COL4A3: variants seen among roughly 807,000 people sequenced by gnomAD.
The protein encoded by COL4A3 is collagen alpha-3(IV) chain.
COL4A3 carries 135 observed loss-of-function variants against 217.4 expected under a neutral mutation model. The ratio of observed to expected loss-of-function variants is 0.62; its 90% CI spans 0.54 to 0.72. The LOEUF (loss-of-function observed/expected upper bound fraction) is 0.72, where lower values mean the gene tolerates loss of function less well. Among genes scored for constraint, COL4A3 ranks in the 30% least tolerant of loss-of-function variants. The pLI, the probability that COL4A3 is intolerant of heterozygous loss-of-function variation, is 0.00. For missense variants in COL4A3, 1,868 were observed against 2,119.9 expected (o/e 0.88, Z 2.33); for synonymous variants, 690 against 736.3 (o/e 0.94, Z 1.02).
chr2:227,285,142 T>C (rs2072233041), intron 34 of COL4A3, among the ~76,000 whole-genome samples: 1 of 151,886 alleles, frequency 6.6e-6, no homozygotes, highest in African/African-American at 2.4e-5. Flanking sequence ...AAAAGAAAAA[T>C]GTGTTTGCAG....
At chr2:227,190,726 G>A (rs2066203039) in intron 1 of COL4A3, among the ~76,000 whole-genome samples, 1 of 152,124 alleles carries the variant, frequency 6.6e-6, no homozygotes. Context: ...GGCCAACATG[G>A]CGAAACCTCG....
chr2:227,240,616 G>C (rs1159210606), intron 3 of COL4A3, among the ~76,000 whole-genome samples: 4 of 151,826 alleles, frequency 2.6e-5, no homozygotes, highest in African/African-American at 9.7e-5. Context: ...CCCTCTCTCC[G>C]GACATTCCAA....
intron 1 of COL4A3, among the ~76,000 whole-genome samples, chr2:227,199,264 C>T (rs2066595035): frequency 6.6e-6 from 1 of 152,182 alleles, no homozygotes; most frequent in South Asian, 2.1e-4. Context: ...AGTTTTATAG[C>T]AGAGTTAGTC....
At chr2:227,299,743 G>C (rs952790348) in intron 43 of COL4A3, among the ~76,000 whole-genome samples, 1 of 152,194 alleles carries the variant, frequency 6.6e-6, no homozygotes, top group African/African-American at 2.4e-5. Flanking sequence ...AAAATCTTCA[G>C]AGTTGGAATG....
At chr2:227,272,456 T>C (rs955767263) in intron 25 of COL4A3, among the ~76,000 whole-genome samples, 3 of 152,218 alleles carry the variant, frequency 2.0e-5, no homozygotes, top group Non-Finnish European at 4.4e-5. Flanking sequence ...TTCTTTTAAA[T>C]CTACAAATCA....
intron 43 of COL4A3, chr2:227,301,838 T>C (rs2073299407): frequency 6.6e-6 from 1 of 152,254 alleles, no homozygotes; most frequent in Non-Finnish European, 1.5e-5. Context: ...AGCAAGTCCT[T>C]GACCAGATGG....
At chr2:227,262,535 C>T (rs571409567) in intron 20 of COL4A3, among the ~76,000 whole-genome samples, 8 of 152,160 alleles carry the variant, frequency 5.3e-5, no homozygotes, top group African/African-American at 1.9e-4. Flanking sequence ...GATGTCTTTC[C>T]ATTTGTTTGT....
At chr2:227,208,765 TACACACACACAC>T (rs60244094) in intron 1 of COL4A3, among the ~76,000 whole-genome samples, 99 of 138,590 alleles carry the variant, frequency 7.1e-4, no homozygotes, top group African/African-American at 2.2e-3. Flanking sequence ...GGCGGTTGGT[TACACACACACAC>T]ACACACACAC....
chr2:227,249,650 C>T (rs940895574), intron 9 of COL4A3, among the ~76,000 whole-genome samples: 8 of 152,038 alleles, frequency 5.3e-5, no homozygotes, highest in Admixed American at 6.6e-5. Flanking sequence ...CTGTATGGTG[C>T]GCTATCCTAA....
At position 227,196,563 on chromosome 2, in the gene COL4A3, C is replaced by T. The variant is rs577878464; in HGVS notation, c.87+31750C>T. Among the ~76,000 whole-genome samples the T allele has an allele frequency of 2.0e-4, 31 of 152,152 alleles. No homozygotes were observed. The South Asian group carries it at 4.8e-3, about 23-fold the overall frequency. Reference sequence around the variant, plus strand: ...CGATCTCCTGACCTCGTGATCCGCCCGCCTCAGCCTCCCAAAGTGCTGGGA... The same window carrying T: ...CGATCTCCTGACCTCGTGATCCGCCTGCCTCAGCCTCCCAAAGTGCTGGGA... On this transcript the variant is annotated intron_variant, in intron 1 of 51. Transcript: ENST00000396578.
chr2:227,202,709 T>G (rs2066742570), intron 1 of COL4A3, among the ~76,000 whole-genome samples: 1 of 140,118 alleles, frequency 7.1e-6, no homozygotes, highest in African/African-American at 2.7e-5. Context: ...CAGTCCGGCC[T>G]GGGAGAAAGT....
chr2:227,203,197 A>G lies in COL4A3; in HGVS notation c.88-34771A>G, dbSNP rs1424595854. Reference sequence around the variant, plus strand: ...TATGTGTATATGTGTGTATATATACATATATGTGTATATACACACATATAT... The same window carrying G: ...TATGTGTATATGTGTGTATATATACGTATATGTGTATATACACACATATAT... On this transcript the variant is annotated intron_variant, in intron 1 of 51. Coordinates refer to ENST00000396578, the MANE Select transcript of COL4A3 (RefSeq NM_000091.5). 3.1e-4 allele frequency among the ~76,000 whole-genome samples: 9 copies of G among 28,602 alleles called. 2 individuals carry two copies. Among genetic ancestry groups the G allele is most frequent in the Admixed American group, 8.7e-4 (2 of 2,302 alleles). The allele number at this position is 28,602 out of a possible 152,430, so 18.8% of individuals were successfully genotyped here.
intron 51 of COL4A3, among the ~76,000 whole-genome samples, 187 bp downstream of exon 51, chr2:227,311,135 C>T (rs944155647): frequency 1.3e-4 from 20 of 152,156 alleles, no homozygotes; most frequent in African/African-American, 4.8e-4. Flanking sequence ...TTACTTGATA[C>T]AATCACAAAA....
intron 34 of COL4A3, 73 bp from the exon 35 acceptor site, chr2:227,289,077 C>A (rs7592926): frequency 8.8e-7 from 1 of 1,140,266 alleles, no homozygotes; most frequent in Non-Finnish European, 1.3e-6. Flanking sequence ...CAGCCTCCCA[C>A]GTAGCTGGGA....
At chr2:227,198,493 T>C (rs935408579) in intron 1 of COL4A3, among the ~76,000 whole-genome samples, 1 of 151,962 alleles carries the variant, frequency 6.6e-6, no homozygotes, top group Non-Finnish European at 1.5e-5. Context: ...AAATACCTTA[T>C]GTTATCACTT....
At chr2:227,213,129 C>A (rs1168808265) in intron 1 of COL4A3, among the ~76,000 whole-genome samples, 2 of 152,170 alleles carry the variant, frequency 1.3e-5, no homozygotes, top group Non-Finnish European at 1.5e-5. Context: ...GGTCACAGTG[C>A]TATTTTAGGG....
chr2:227,298,606 T>C, intron 42 of COL4A3, 76 bp from the exon 43 acceptor site: 1 of 1,586,876 alleles, frequency 6.3e-7, no homozygotes. Flanking sequence ...TTATACTTCA[T>C]TAGAAACAAT....
chr2:227,192,609 A>C (rs1376477372), intron 1 of COL4A3, among the ~76,000 whole-genome samples: 2 of 152,186 alleles, frequency 1.3e-5, no homozygotes, highest in Non-Finnish European at 2.9e-5. Context: ...ATGTGCCCCA[A>C]GTCCTCAATC....
chr2:227,254,416 A>G (rs992168221), intron 14 of COL4A3, among the ~76,000 whole-genome samples: 2 of 152,166 alleles, frequency 1.3e-5, no homozygotes, highest in African/African-American at 2.4e-5. Flanking sequence ...TCCTAGCTGA[A>G]ATCCTTGCAC....
Sources: gnomAD v4.1 joint callset for allele counts (sites outside exome capture counted in the v4.1 genomes callset) on GRCh38, gnomAD v4.1.1 for gene constraint, MANE v1.5 for transcripts, NCBI Gene and HGNC (gene_info 2026-07-23, HGNC 2026-07-21) for gene names.